SLC25A12: variants seen among roughly 807,000 people sequenced by gnomAD.
The protein encoded by SLC25A12 is electrogenic aspartate/glutamate antiporter SLC25A12, mitochondrial.
SLC25A12 carries 32 observed loss-of-function variants against 83.3 expected under a neutral mutation model. The observed-to-expected ratio is 0.38, with a 90% CI of 0.29 to 0.52. SLC25A12 has a LOEUF of 0.52. Ranked by LOEUF, SLC25A12 falls within the 20% of genes least tolerant of loss-of-function variation. The pLI, the probability that SLC25A12 is intolerant of heterozygous loss-of-function variation, is 0.84. For synonymous variants in SLC25A12, 267 were observed against 291.1 expected (o/e 0.92, Z 0.84); for missense variants, 611 against 835.6 (o/e 0.73, Z 3.31).
intron 8 of SLC25A12, among the ~76,000 whole-genome samples, chr2:171,828,123 T>C (rs188837620): frequency 2.0e-5 from 3 of 152,326 alleles, no homozygotes; most frequent in East Asian, 3.9e-4. Flanking sequence ...AGTCCTTTTC[T>C]TTTTTTCAGT....
intron 15 of SLC25A12, chr2:171,788,194 A>C (rs1690525417): frequency 2.3e-6 from 1 of 439,414 alleles, no homozygotes; most frequent in Admixed American, 3.8e-5. Flanking sequence ...GCATGATCCC[A>C]AATAACTGTG....
chr2:171,853,007 G>A (rs141555711), intron 4 of SLC25A12, among the ~76,000 whole-genome samples: 2 of 152,028 alleles, frequency 1.3e-5, no homozygotes, highest in Non-Finnish European at 2.9e-5. Context: ...ACAGAAACAG[G>A]GTACAGCTTT....
intron 13 of SLC25A12, among the ~76,000 whole-genome samples, chr2:171,795,951 GTGTT>G (rs771637433): frequency 9.9e-5 from 15 of 152,092 alleles, no homozygotes; most frequent in African/African-American, 2.9e-4. Flanking sequence ...CATTTTGTTT[GTGTT>G]TGTTTGTTTG....
chr2:171,850,297 C>A lies in SLC25A12; in HGVS notation c.325+5537G>T, dbSNP rs982552423. Among the ~76,000 whole-genome samples, 7 of 124,272 alleles carry A rather than the reference C, an allele frequency of 5.6e-5. No homozygotes were observed. The South Asian group carries it at 1.0e-3, about 18-fold the overall frequency. 81.5% of individuals were successfully genotyped at this position (124,272 alleles called of 152,430 possible). A position where few individuals can be genotyped will look rare whatever the true frequency, so the allele number is the denominator to read the frequency against. On this transcript the variant is annotated intron_variant, in intron 4 of 17. Coordinates refer to ENST00000422440, the MANE Select transcript of SLC25A12 (RefSeq NM_003705.5). ...CGCCCGGCTAATTTTTGTATTTTTG[C>A]TAGAGACAGGGTTTCACCATGTTGG...
intron 9 of SLC25A12, among the ~76,000 whole-genome samples, chr2:171,820,551 A>G (rs1574697561): frequency 7.2e-6 from 1 of 138,094 alleles, no homozygotes; most frequent in Non-Finnish European, 1.6e-5. Context: ...AAACGGTGAA[A>G]CCCCGTCTCT....
chr2:171,841,423 A>G (rs1684671044), intron 5 of SLC25A12, among the ~76,000 whole-genome samples: 1 of 152,032 alleles, frequency 6.6e-6, no homozygotes. Flanking sequence ...CCCACGCTGG[A>G]GTGCAGTGGT....
At chr2:171,833,923 C>A in intron 8 of SLC25A12, 40 bp downstream of exon 8, 1 of 1,211,064 alleles carries the variant, frequency 8.3e-7, no homozygotes, top group Non-Finnish European at 1.2e-6. Context: ...TTTAGAACTA[C>A]TCTATAATAA....
At position 171,818,275 on chromosome 2, in the gene SLC25A12, C is replaced by T. The variant is rs145510151; in HGVS notation, c.931-3073G>A. 2.7e-3 allele frequency among the ~76,000 whole-genome samples: 410 copies of T among 152,088 alleles called. 1 individual carries two copies. The highest frequency in any genetic ancestry group is 9.0e-3 in the African/African-American group (372 of 41,476). Reference sequence around the variant, plus strand: ...TGAGCAAATGGGCCAAAGGAAAAGACGCTCTTTCCCTTAAGGTTATGATTA... The same window carrying T: ...TGAGCAAATGGGCCAAAGGAAAAGATGCTCTTTCCCTTAAGGTTATGATTA... On this transcript the variant is annotated intron_variant, in intron 9 of 17. Transcript: ENST00000422440.
chr2:171,834,269 CA>C, intron 7 of SLC25A12: 1 of 524,522 alleles, frequency 1.9e-6, no homozygotes. Context: ...GATAAAACAG[CA>C]AAACAGATGA....
chr2:171,879,525 T>C (rs1304624362), intron 2 of SLC25A12, among the ~76,000 whole-genome samples: 1 of 152,120 alleles, frequency 6.6e-6, no homozygotes, highest in African/African-American at 2.4e-5. Flanking sequence ...CCAAAACAAT[T>C]TTCCACTCAA....
intron 4 of SLC25A12, among the ~76,000 whole-genome samples, chr2:171,855,347 C>T (rs1174772669): frequency 6.9e-6 from 1 of 145,568 alleles, no homozygotes; most frequent in Non-Finnish European, 1.5e-5. Context: ...TTTCCTAAAA[C>T]TGAAATCTAA....
chr2:171,796,348 A>G (rs1683597328), intron 13 of SLC25A12, among the ~76,000 whole-genome samples: 1 of 152,226 alleles, frequency 6.6e-6, no homozygotes, highest in Admixed American at 6.5e-5. Flanking sequence ...GGACATAACC[A>G]CAAAACTCAA....
intron 13 of SLC25A12, among the ~76,000 whole-genome samples, chr2:171,809,147 T>G (rs951129344): frequency 6.6e-6 from 1 of 152,228 alleles, no homozygotes; most frequent in South Asian, 2.1e-4. Flanking sequence ...CTATTGTGAA[T>G]AGTGCCACAA....
chr2:171,859,604 T>C (rs1685110794), intron 3 of SLC25A12, among the ~76,000 whole-genome samples: 1 of 152,164 alleles, frequency 6.6e-6, no homozygotes, highest in South Asian at 2.1e-4. Flanking sequence ...ACAAATATTA[T>C]ATTGTTCCAC....
intron 10 of SLC25A12, 75 bp downstream of exon 10, chr2:171,815,046 G>T: frequency 1.7e-6 from 2 of 1,207,154 alleles, no homozygotes; most frequent in Admixed American, 1.7e-5. Context: ...CTGCACCTTT[G>T]CTGATCTGCC....
chr2:171,893,312 A>G lies in SLC25A12; in HGVS notation c.13-54T>C, dbSNP rs930954716. 2.1e-6 allele frequency: 3 copies of G among 1,420,180 alleles called. No homozygotes were observed. In the African/African-American group the frequency reaches 4.2e-5, roughly 20 times the overall value. 88.0% of individuals were successfully genotyped at this position (1,420,180 alleles called of 1,614,324 possible). A position where few individuals can be genotyped will look rare whatever the true frequency, so the allele number is the denominator to read the frequency against. On this transcript the variant is annotated intron_variant, in intron 1 of 17. Transcript: ENST00000422440. ...TTAATGCTTCACTAGAGACCACACA[A>G]TCTCTTCAGATTAGAGGTCACATGG...
At chr2:171,802,639 G>A (rs906553397) in intron 13 of SLC25A12, among the ~76,000 whole-genome samples, 16 of 152,116 alleles carry the variant, frequency 1.1e-4, no homozygotes, top group Non-Finnish European at 2.2e-4. Context: ...AGCCAGGCCT[G>A]GTGGCGGGTG....
At chr2:171,795,174 G>A (rs1490483014) in intron 13 of SLC25A12, among the ~76,000 whole-genome samples, 1 of 152,016 alleles carries the variant, frequency 6.6e-6, no homozygotes, top group African/African-American at 2.4e-5. Flanking sequence ...TCCCCTCTTT[G>A]TCCTTCGAGC....
At chr2:171,848,636 AAAC>A (rs962530658) in intron 4 of SLC25A12, among the ~76,000 whole-genome samples, 2 of 152,174 alleles carry the variant, frequency 1.3e-5, no homozygotes, top group African/African-American at 2.4e-5. Flanking sequence ...AAAGGAAAAC[AAAC>A]AACAACAACA....
Sources: gnomAD v4.1 joint callset for allele counts (sites outside exome capture counted in the v4.1 genomes callset) on GRCh38, gnomAD v4.1.1 for gene constraint, MANE v1.5 for transcripts, NCBI Gene and HGNC (gene_info 2026-07-23, HGNC 2026-07-21) for gene names.